CTLA4: variants seen among roughly 807,000 people sequenced by gnomAD.
CTLA4 encodes the protein cytotoxic T-lymphocyte associated protein 4.
A neutral mutation model predicts 20.4 loss-of-function variants in CTLA4; 3 were observed. The ratio of observed to expected loss-of-function variants is 0.15; its 90% confidence interval spans 0.07 to 0.38. The LOEUF is 0.38. Among genes scored for constraint, CTLA4 ranks in the 10% least tolerant of loss-of-function variants. The probability of loss-of-function intolerance (pLI) is 1.00; values close to 1 mark genes in which losing one functional copy is unlikely to be tolerated. For missense variants in CTLA4, 184 were observed against 276.8 expected (o/e 0.66, Z 2.38); for synonymous variants, 100 against 105.2 (o/e 0.95, Z 0.30).
intron 1 of CTLA4, among the ~76,000 whole-genome samples, chr2:203,868,902 A>G (rs1301474371): frequency 2.0e-5 from 3 of 152,242 alleles, no homozygotes; most frequent in African/African-American, 7.2e-5. Context: ...TAGGTACTCA[A>G]AAGATATTTG....
At chr2:203,872,162 T>C (rs1243048940) in intron 3 of CTLA4, among the ~76,000 whole-genome samples, 1 of 152,182 alleles carries the variant, frequency 6.6e-6, no homozygotes, top group Non-Finnish European at 1.5e-5. Flanking sequence ...AGCTTTGCCA[T>C]TACAAACTCT....
chr2:203,871,257 C>A, intron 2 of CTLA4, 121 bp from the exon 3 acceptor site: 1 of 802,032 alleles, frequency 1.2e-6, no homozygotes, highest in Non-Finnish European at 2.0e-6. Flanking sequence ...GCTACCCATG[C>A]AATTTAGGGG....
Position 203,869,380 on chromosome 2 carries a change from T to A in CTLA4, c.110-1206T>A, listed in dbSNP as rs529921444. Among the ~76,000 whole-genome samples the A allele has an allele frequency of 2.8e-4, 43 of 152,350 alleles. 2 individuals are homozygous for A. The South Asian group carries it at 5.6e-3, about 20-fold the overall frequency. ...TGAGGGTTAGGGAAGGAAGCTGTAG[T>A]CTAGCTAGCTAGAGCTGCTGGAATA... On this transcript the variant is annotated intron_variant, in intron 1 of 3. Coordinates refer to ENST00000648405, the MANE Select transcript of CTLA4 (RefSeq NM_005214.5).
At chr2:203,871,577 T>A in intron 3 of CTLA4, 90 bp downstream of exon 3, 1 of 1,024,104 alleles carries the variant, frequency 9.8e-7, no homozygotes, top group Non-Finnish European at 1.5e-6. Context: ...TTTAGTGTTC[T>A]TGAGATGAGA....
At position 203,873,359 on chromosome 2, in the gene CTLA4, TATATATATATATATATATATATA is replaced by T. The variant is rs1688771948; in HGVS notation, c.*548_*570del. 4.3e-3 allele frequency: 240 copies of T among 56,278 alleles called. 2 individuals carry two copies. Among genetic ancestry groups the T allele is most frequent in the African/African-American group, 0.01 (194 of 18,948 alleles). The allele number at this position is 56,278 out of a possible 1,614,324, so 3.5% of individuals were successfully genotyped here. On this transcript the variant is annotated 3_prime_UTR_variant, in exon 4 of 4. Coordinates refer to ENST00000648405, the MANE Select transcript of CTLA4 (RefSeq NM_005214.5). ...ATATATATATATATATATATATATA[TATATATATATATATATATATATA>T]TTTTAATTTGATAGTATTGTGCATA... is the stretch of plus-strand genomic sequence containing the variant.
rs1317638710 is a variant in CTLA4, at chr2:203,870,498, G to A, written c.110-88G>A. On this transcript the variant is annotated intron_variant, in intron 1 of 3. Coordinates refer to ENST00000648405, the MANE Select transcript of CTLA4 (RefSeq NM_005214.5). This position sits in a 1 kb window ranked among gnomAD's most constrained non-coding sequence, Gnocchi z 5.3. The stretch of plus-strand genomic sequence containing the variant: ...TGAAGGGGGGAGAAAAGGCCGTGGG[G>A]ATGAAGCTAGAAGGCAGAAGGGCTT... 1 of 1,431,170 alleles carries A rather than the reference G, an allele frequency of 7.0e-7. No individual in the cohort carries two copies. The highest frequency in any genetic ancestry group is 9.6e-7 in the Non-Finnish European group (1 of 1,041,842). 88.7% of individuals were successfully genotyped at this position (1,431,170 alleles called of 1,614,324 possible).
In CTLA4 at chr2:203,873,105, G is replaced by T. The variant is rs1688762851; in HGVS notation, c.*293G>T. The T allele has an allele frequency of 5.6e-6, 3 of 531,028 alleles. No homozygotes were observed. The highest frequency in any genetic ancestry group is 9.9e-6 in the Non-Finnish European group (3 of 301,686). The allele number at this position is 531,028 out of a possible 1,614,324, so 32.9% of individuals were successfully genotyped here. On this transcript the variant is annotated 3_prime_UTR_variant, in exon 4 of 4. Transcript: ENST00000648405. ...ATGTGGGTCAAGGAATTAAGTTAGGGAATGGCACAGCCCAAAGAAGGAAAA... is the reference window on the plus strand; with the variant it reads ...ATGTGGGTCAAGGAATTAAGTTAGGTAATGGCACAGCCCAAAGAAGGAAAA...
In CTLA4 at chr2:203,872,604, A is replaced by G. The variant is rs1480890832; in HGVS notation, c.568-104A>G. ...ATAATTCTGTATGCTGTGAACATTC[A>G]TTTTTAACCAGCTAGGGACCCAATA... On this transcript the variant is annotated intron_variant, in intron 3 of 3. Coordinates refer to ENST00000648405, the MANE Select transcript of CTLA4 (RefSeq NM_005214.5). 1.4e-5 allele frequency: 9 copies of G among 630,334 alleles called. No individual in the cohort carries two copies. The Admixed American group carries it at 1.8e-4, about 13-fold the overall frequency. The allele number at this position is 630,334 out of a possible 1,614,324, so 39.0% of individuals were successfully genotyped here. A position where few individuals can be genotyped will look rare whatever the true frequency, so the allele number is the denominator to read the frequency against.
At chr2:203,869,224 C>G (rs1688684668) in intron 1 of CTLA4, among the ~76,000 whole-genome samples, 1 of 152,078 alleles carries the variant, frequency 6.6e-6, no homozygotes, top group South Asian at 2.1e-4. Flanking sequence ...GTTCATGAAC[C>G]ACAAGTAAAA....
rs1688654647 is a variant in CTLA4 at position 203,867,801 on chromosome 2, A to T, written c.-142A>T. 2 of 572,538 alleles carry T rather than the reference A, an allele frequency of 3.5e-6. No individual in the cohort carries two copies. Among genetic ancestry groups the T allele is most frequent in the Non-Finnish European group, 6.2e-6 (2 of 322,010 alleles). 35.5% of individuals were successfully genotyped at this position (572,538 alleles called of 1,614,324 possible). A position where few individuals can be genotyped will look rare whatever the true frequency, so the allele number is the denominator to read the frequency against. ...CTATTCAAGTGCCTTCTGTGTGTGCACATGTGTAATACATATCTGGGATCA... is the reference window on the plus strand; with the variant it reads ...CTATTCAAGTGCCTTCTGTGTGTGCTCATGTGTAATACATATCTGGGATCA... On this transcript the variant is annotated 5_prime_UTR_variant, in exon 1 of 4. Transcript: ENST00000648405.
chr2:203,870,284 C>G lies in CTLA4; in HGVS notation c.110-302C>G, dbSNP rs1688704608. ...GGACATGGGGGAAGTGTGACTTGCC[C>G]CAAATCACATATTTCATGGTAGAGC... is the stretch of plus-strand genomic sequence containing the variant. On this transcript the variant is annotated intron_variant, in intron 1 of 3. Transcript: ENST00000648405. This position sits in a 1 kb window ranked among gnomAD's most constrained non-coding sequence, Gnocchi z 5.3. 2.3e-6 allele frequency: 1 copy of G among 427,116 alleles called. No homozygotes were observed. The highest frequency in any genetic ancestry group is 3.9e-5 in the Admixed American group (1 of 25,906). 26.5% of individuals were successfully genotyped at this position (427,116 alleles called of 1,614,324 possible).
chr2:203,872,742 A>G lies in CTLA4; in HGVS notation c.602A>G (p.Tyr201Cys). The G allele has an allele frequency of 1.9e-6, 3 of 1,613,220 alleles. No homozygotes were observed. The highest frequency in any genetic ancestry group is 2.5e-6 in the Non-Finnish European group (3 of 1,179,160). Residue 201 changes from tyrosine (Y) to cysteine (C), a missense_variant, in exon 4 of 4, where the codon TAT becomes TGT. Transcript: ENST00000648405. ...AGAAGCCCTCTTACAACAGGGGTCT[A>G]TGTGAAAATGCCCCCAACAGAGCCA... Reference protein sequence around the residue: ...KKRSPLTTGVYVKMPPTEPEC... With the variant: ...KKRSPLTTGVCVKMPPTEPEC...
At chr2:203,869,159 A>G (rs1022777144) in intron 1 of CTLA4, among the ~76,000 whole-genome samples, 6 of 152,190 alleles carry the variant, frequency 3.9e-5, no homozygotes, top group Middle Eastern at 3.2e-3. Context: ...TAGAGTCAAT[A>G]CAATAAAGAT....
In CTLA4 at chr2:203,870,163, GAGCTATAT is replaced by G. The variant is rs145606860; in HGVS notation, c.110-418_110-411del. On this transcript the variant is annotated intron_variant, in intron 1 of 3. Coordinates refer to ENST00000648405, the MANE Select transcript of CTLA4 (RefSeq NM_005214.5). The surrounding 1 kb of genome is among the most constrained non-coding windows in gnomAD (Gnocchi z 5.3). ...TCCCCTACCACTCATTATAGTTCCG[GAGCTATAT>G]AGCTCCTATCATTCTATCATAACCT... is the stretch of plus-strand genomic sequence containing the variant. The G allele has an allele frequency of 0.015, 2,699 of 180,356 alleles. 69 individuals are homozygous for G. The highest frequency in any genetic ancestry group is 0.059 in the African/African-American group (2,486 of 42,288). 11.2% of individuals were successfully genotyped at this position (180,356 alleles called of 1,614,324 possible).
chr2:203,871,638 G>A (rs1205079861), intron 3 of CTLA4, 151 bp downstream of exon 3: 17 of 646,140 alleles, frequency 2.6e-5, no homozygotes, highest in South Asian at 5.7e-5. Flanking sequence ...CACTAGAACC[G>A]TAGGCATTGG....
chr2:203,870,517 A>G lies in CTLA4; in HGVS notation c.110-69A>G. On this transcript the variant is annotated intron_variant, in intron 1 of 3. Coordinates refer to ENST00000648405, the MANE Select transcript of CTLA4 (RefSeq NM_005214.5). The surrounding 1 kb of genome is among the most constrained non-coding windows in gnomAD (Gnocchi z 5.3). ...CGTGGGGATGAAGCTAGAAGGCAGAAGGGCTTGCCTGGGCTTGGCCATGAA... is the reference window on the plus strand; with the variant it reads ...CGTGGGGATGAAGCTAGAAGGCAGAGGGGCTTGCCTGGGCTTGGCCATGAA... 1.3e-6 allele frequency: 2 copies of G among 1,545,758 alleles called. No homozygotes were observed. The highest frequency in any genetic ancestry group is 1.8e-6 in the Non-Finnish European group (2 of 1,133,870).
Position 203,873,373 on chromosome 2 carries a change from TATATATA to T in CTLA4, c.*562_*568del, listed in dbSNP as rs1688773262. 9.7e-6 allele frequency: 1 copy of T among 103,018 alleles called. No individual in the cohort carries two copies. Among genetic ancestry groups the T allele is most frequent in the African/African-American group, 4.5e-5 (1 of 22,032 alleles). 6.4% of individuals were successfully genotyped at this position (103,018 alleles called of 1,614,324 possible). ...ATATATATATATATATATATATATA[TATATATA>T]TATTTTAATTTGATAGTATTGTGCA... is the stretch of plus-strand genomic sequence containing the variant. On this transcript the variant is annotated 3_prime_UTR_variant, in exon 4 of 4. Transcript: ENST00000648405.
At position 203,873,758 on chromosome 2, in the gene CTLA4, T is replaced by C; in HGVS notation, c.*946T>C. ...CAGGAGACCCACAGGTATGACCTTCTAGGAAGCTCCAGTTCGATGGGCCCA... is the reference window on the plus strand; with the variant it reads ...CAGGAGACCCACAGGTATGACCTTCCAGGAAGCTCCAGTTCGATGGGCCCA... On this transcript the variant is annotated 3_prime_UTR_variant, in exon 4 of 4. Coordinates refer to ENST00000648405, the MANE Select transcript of CTLA4 (RefSeq NM_005214.5). The C allele has an allele frequency of 4.4e-6, 1 of 225,510 alleles. No individual in the cohort carries two copies. The allele number at this position is 225,510 out of a possible 1,614,324, so 14.0% of individuals were successfully genotyped here. A position where few individuals can be genotyped will look rare whatever the true frequency, so the allele number is the denominator to read the frequency against.
In CTLA4 at chr2:203,870,457, T is replaced by A; in HGVS notation, c.110-129T>A. 1 of 842,778 alleles carries A rather than the reference T, an allele frequency of 1.2e-6. No homozygotes were observed. Among genetic ancestry groups the A allele is most frequent in the Non-Finnish European group, 1.8e-6 (1 of 558,222 alleles). 52.2% of individuals were successfully genotyped at this position (842,778 alleles called of 1,614,324 possible). On this transcript the variant is annotated intron_variant, in intron 1 of 3. Transcript: ENST00000648405. The surrounding 1 kb of genome is among the most constrained non-coding windows in gnomAD (Gnocchi z 5.3). ...CTGGGGGTGTGGAGAGGGGAAGGGG[T>A]AAGTGATAGATTCGTTGAAGGGGGG...
Sources: allele counts gnomAD v4.1 joint callset (sites outside exome capture counted in the v4.1 genomes callset), GRCh38; gene constraint gnomAD v4.1.1; non-coding constraint Gnocchi (gnomAD v3.1); transcripts MANE v1.5; gene names NCBI Gene and HGNC (gene_info 2026-07-23, HGNC 2026-07-21).